NLRP13: variants seen among roughly 807,000 people sequenced by gnomAD.
NLRP13 encodes the protein NLR family pyrin domain containing 13, also known as NACHT, LRR and PYD domains-containing protein 13.
In NLRP13, 82 loss-of-function variants were observed where a neutral mutation model predicts 94.4. That is an observed-to-expected ratio of 0.87 (90% confidence interval 0.73 to 1.04). The LOEUF (loss-of-function observed/expected upper bound fraction) is 1.04, where lower values mean the gene tolerates loss of function less well. Among genes scored for constraint, NLRP13 ranks in the 50% least tolerant of loss-of-function variants. The probability of loss-of-function intolerance (pLI) is 0.00; values close to 1 mark genes in which losing one functional copy is unlikely to be tolerated. For synonymous variants in NLRP13, 553 were observed against 464.7 expected (o/e 1.19, Z -2.45); for missense variants, 1,426 against 1,230.8 (o/e 1.16, Z -2.37).
downstream of NLRP13, among the ~76,000 whole-genome samples, chr19:55,894,434 T>C (rs565842060): frequency 3.1e-4 from 47 of 152,276 alleles, no homozygotes; most frequent in Non-Finnish European, 5.7e-4. Flanking sequence ...AGGGGCAACA[T>C]AAAGCTTGGT....
At chr19:55,913,958 G>C (rs1247372150) in intron 4 of NLRP13, among the ~76,000 whole-genome samples, 1 of 152,148 alleles carries the variant, frequency 6.6e-6, no homozygotes, top group African/African-American at 2.4e-5. Flanking sequence ...AGAGCAACAA[G>C]GGATTTGGGC....
chr19:55,929,688 C>T (rs891961798), intron 1 of NLRP13, among the ~76,000 whole-genome samples: 9 of 151,966 alleles, frequency 5.9e-5, no homozygotes, highest in East Asian at 1.9e-4. Context: ...ATGGGTTGAT[C>T]GGTGCAGCAA....
intron 4 of NLRP13, 39 bp from the exon 5 acceptor site, chr19:55,913,332 A>T (rs747825365): frequency 3.2e-6 from 5 of 1,577,112 alleles, no homozygotes; most frequent in Admixed American, 1.8e-5. Flanking sequence ...GGTAAGAATA[A>T]ATTTCAGAGT....
chr19:55,904,129 GT>G (rs1423052313), intron 8 of NLRP13, among the ~76,000 whole-genome samples: 2 of 152,130 alleles, frequency 1.3e-5, no homozygotes, highest in African/African-American at 4.8e-5. Context: ...GTCTCACTCT[GT>G]CATCCGGGCT....
downstream of NLRP13, among the ~76,000 whole-genome samples, chr19:55,894,769 A>G (rs1401288120): frequency 6.6e-6 from 1 of 152,178 alleles, no homozygotes; most frequent in Non-Finnish European, 1.5e-5. Flanking sequence ...CTACCATGCC[A>G]TGGTGCTTGG....
chr19:55,919,315 C>A (rs1022681030), intron 4 of NLRP13, among the ~76,000 whole-genome samples: 1 of 152,078 alleles, frequency 6.6e-6, no homozygotes, highest in Admixed American at 6.6e-5. Context: ...TGGAACAAGA[C>A]AAGGATGCCC....
chr19:55,899,382 T>C (rs971594407), intron 9 of NLRP13, among the ~76,000 whole-genome samples: 23 of 152,022 alleles, frequency 1.5e-4, no homozygotes, highest in African/African-American at 5.6e-4. Flanking sequence ...AGGTGACTAT[T>C]TGGAGAAAAT....
At chr19:55,911,508 T>C (rs1314413443) in intron 5 of NLRP13, among the ~76,000 whole-genome samples, 198 bp downstream of exon 5, 1 of 152,254 alleles carries the variant, frequency 6.6e-6, no homozygotes, top group Non-Finnish European at 1.5e-5. Context: ...GTCTTTAAGT[T>C]GATCAATTAG....
intron 1 of NLRP13, among the ~76,000 whole-genome samples, chr19:55,928,235 C>T (rs1447587824): frequency 6.6e-6 from 1 of 152,120 alleles, no homozygotes; most frequent in Non-Finnish European, 1.5e-5. Flanking sequence ...AGCCTTCAGG[C>T]AGGAAGTTTA....
chr19:55,923,832 T>A, intron 4 of NLRP13, 82 bp downstream of exon 4: 1 of 957,382 alleles, frequency 1.0e-6, no homozygotes, highest in South Asian at 1.3e-5. Flanking sequence ...AATGTCAGTA[T>A]GAGGCAACTC....
chr19:55,911,968 A>T lies in NLRP13; in HGVS notation c.1849T>A (p.Leu617Ile), dbSNP rs771094544. The T allele has an allele frequency of 6.2e-7, 1 of 1,614,122 alleles. No individual in the cohort carries two copies. The highest frequency in any genetic ancestry group is 8.5e-7 in the Non-Finnish European group (1 of 1,180,054). ...KISPRVMEELLKWGEELGKAE... is the reference protein window; with the variant it reads ...KISPRVMEELIKWGEELGKAE... ...TTACCTAACTCTTCTCCCCACTTTA[A>T]TAATTCCTCCATTACCCTGGGAGAT... The change falls in exon 5 of 11, where the codon TTA becomes ATA. Residue 617 changes from leucine to isoleucine, a missense_variant. Coordinates refer to ENST00000342929, the MANE Select transcript of NLRP13 (RefSeq NM_176810.2).
intron 1 of NLRP13, among the ~76,000 whole-genome samples, chr19:55,929,864 T>G (rs1987065049): frequency 6.6e-6 from 1 of 151,966 alleles, no homozygotes; most frequent in African/African-American, 2.4e-5. Context: ...CAATAAAGCC[T>G]AAAGTTGGTT....
At chr19:55,897,303 G>C (rs1416298656) in intron 10 of NLRP13, among the ~76,000 whole-genome samples, 2 of 152,188 alleles carry the variant, frequency 1.3e-5, no homozygotes, top group African/African-American at 4.8e-5. Flanking sequence ...CAGATCACTT[G>C]AGCTTAGGAG....
intron 8 of NLRP13, among the ~76,000 whole-genome samples, chr19:55,904,193 A>G (rs1352765212): frequency 6.6e-6 from 1 of 152,130 alleles, no homozygotes; most frequent in East Asian, 1.9e-4. Context: ...CCTGGGTTCT[A>G]GCGATTCTCC....
intron 4 of NLRP13, among the ~76,000 whole-genome samples, chr19:55,921,449 T>A (rs1986823605): frequency 6.6e-6 from 1 of 152,182 alleles, no homozygotes. Context: ...TTTAAGAATG[T>A]CTTCTACAGA....
At chr19:55,926,619 A>G (rs571201171) in intron 1 of NLRP13, among the ~76,000 whole-genome samples, 8 of 152,210 alleles carry the variant, frequency 5.3e-5, no homozygotes, top group African/African-American at 1.9e-4. Flanking sequence ...CAACCCCTCA[A>G]TGTAGGGAAG....
chr19:55,912,137 G>A lies in NLRP13; in HGVS notation c.1680C>T (p.Ser560=), dbSNP rs759035838. The A allele has an allele frequency of 3.1e-6, 5 of 1,614,052 alleles. No homozygotes were observed. The highest frequency in any genetic ancestry group is 2.2e-5 in the East Asian group (1 of 44,904). ...ACATCTTCATCTCTTGTGGCTTTGT[G>A]GAATGGGGAGGGAATTCTCTAGGTT... The part of the protein sequence containing the change: ...LEEPREFPPH[S]TKPQEMKMLL... Residue 560 remains serine, a synonymous_variant, in exon 5 of 11, where the codon TCC becomes TCT. Coordinates refer to ENST00000342929, the MANE Select transcript of NLRP13 (RefSeq NM_176810.2).
At chr19:55,904,901 C>G in intron 8 of NLRP13, 41 bp downstream of exon 8, 1 of 1,544,080 alleles carries the variant, frequency 6.5e-7, no homozygotes, top group Non-Finnish European at 8.9e-7. Context: ...ATATCTGTGC[C>G]CATAGAGTCA....
chr19:55,924,789 G>T (rs11880707), intron 2 of NLRP13, 131 bp from the exon 3 acceptor site: 1 of 876,080 alleles, frequency 1.1e-6, no homozygotes, highest in East Asian at 2.5e-5. Context: ...GAATCAGTAT[G>T]CCCAGTTTAC....
Sources: gnomAD v4.1 joint callset for allele counts (sites outside exome capture counted in the v4.1 genomes callset) on GRCh38, gnomAD v4.1.1 for gene constraint, MANE v1.5 for transcripts, NCBI Gene and HGNC (gene_info 2026-07-23, HGNC 2026-07-21) for gene names.